BCORL1: variants seen among roughly 807,000 people sequenced by gnomAD.
The protein encoded by BCORL1 is BCL-6 corepressor-like protein 1.
Under a neutral mutation model 87.6 loss-of-function variants are expected in BCORL1, and 7 were observed. The observed-to-expected ratio is 0.08, with a 90% CI of 0.05 to 0.15. The LOEUF (loss-of-function observed/expected upper bound fraction) is 0.15, where lower values mean the gene tolerates loss of function less well. BCORL1 is among the 10% of genes least tolerant of loss of function. BCORL1 has a pLI of 1.00. For missense variants in BCORL1, 1,215 were observed against 1,499.7 expected, an observed-to-expected ratio of 0.81 and a Z score of 3.13; for synonymous variants, 591 against 634.4, an observed-to-expected ratio of 0.93 and a Z score of 1.03.
At chrX:129,990,474 G>A (rs745523598) in intron 1 of BCORL1, among the ~76,000 whole-genome samples, 23 of 108,408 alleles carry the variant, frequency 2.1e-4, no homozygotes, top group African/African-American at 6.4e-4. Context: ...CTCGTGATCC[G>A]CCCGCCTTGG....
chrX:130,043,156 C>G (rs1325742930), intron 11 of BCORL1, among the ~76,000 whole-genome samples: 1 of 106,400 alleles, frequency 9.4e-6, no homozygotes, highest in Admixed American at 1.0e-4. Context: ...CTCAGCTTCC[C>G]GAGTAGCTAT....
intron 11 of BCORL1, among the ~76,000 whole-genome samples, chrX:130,043,758 ATATATATATATATATATATATATATATTT>A (rs1211563966): frequency 0.015 from 339 of 23,331 alleles, 13 homozygotes; most frequent in South Asian, 0.033. Flanking sequence ...ATATATATAT[ATATATATATATATATATATATATATATTT>A]TTTTTTTTTT....
Position 130,016,020 on chromosome X carries a change from G to C in BCORL1, c.3248G>C (p.Arg1083Pro). The C allele has an allele frequency of 8.3e-7, 1 of 1,211,886 alleles. No homozygotes were observed. The highest frequency in any genetic ancestry group is 1.8e-5 in the South Asian group (1 of 57,027). ...VAPQRGQAEV[R>P]AKAGQARVKQ... ...CCCCAGAGGGGCCAAGCTGAAGTTC[G>C]GGCTAAGGCCGGGCAGGCTCGAGTG... The change falls in exon 4 of 14, where the codon CGG becomes CCG. Residue 1083 changes from arginine (R) to proline (P), a missense_variant. Arg to Pro is a moderately radical substitution (Grantham distance 103, BLOSUM62 -2). Around this residue, in one of 5 missense-constraint regions of BCORL1, gnomAD observed 861 missense variants for 1,010.0 expected, o/e 0.85. Transcript: ENST00000540052.
In BCORL1 at chrX:130,014,203, G is replaced by A. The variant is rs748015743; in HGVS notation, c.1431G>A (p.Thr477=). 1.9e-5 allele frequency: 23 copies of A among 1,210,450 alleles called. No individual in the cohort carries two copies. In the South Asian group the frequency reaches 2.1e-4, roughly 11 times the overall value. ...PTTLGVSSTL[T]LPVLPSYLQD... ...CTCTAGGGGTTTCCTCCACTCTTAC[G>A]CTCCCTGTCCTGCCGTCCTACCTGC... is the stretch of plus-strand genomic sequence containing the variant. Residue 477 remains threonine (T), a synonymous_variant, in exon 4 of 14, where the codon ACG becomes ACA. Transcript: ENST00000540052.
At chrX:130,011,146 C>G (rs1332246336) in intron 2 of BCORL1, among the ~76,000 whole-genome samples, 2 of 108,614 alleles carry the variant, frequency 1.8e-5, no homozygotes, top group Non-Finnish European at 3.8e-5. Context: ...ACTGCAGCGT[C>G]TATGTTGGGG....
intron 12 of BCORL1, among the ~76,000 whole-genome samples, chrX:130,051,188 C>A (rs147650327): frequency 6.7e-4 from 75 of 112,486 alleles, no homozygotes; most frequent in Non-Finnish European, 1.3e-3. Flanking sequence ...ACCCTGCCCC[C>A]ACGATGCACA....
At chrX:130,047,470 T>G in intron 11 of BCORL1, among the ~76,000 whole-genome samples, 1 of 112,329 alleles carries the variant, frequency 8.9e-6, no homozygotes, top group Non-Finnish European at 1.9e-5. Context: ...CTTTAGCTTC[T>G]TTGCTCACGC....
chrX:130,018,330 A>T (rs112746577), intron 4 of BCORL1, among the ~76,000 whole-genome samples: 1 of 111,802 alleles, frequency 8.9e-6, no homozygotes, highest in African/African-American at 3.3e-5. Flanking sequence ...AGAGTTGGGG[A>T]GTGACTGTTT....
chrX:130,028,652 C>A lies in BCORL1; in HGVS notation c.4096C>A (p.Gln1366Lys). 8.3e-7 allele frequency: 1 copy of A among 1,209,696 alleles called. No individual in the cohort carries two copies. The highest frequency in any genetic ancestry group is 1.1e-6 in the Non-Finnish European group (1 of 894,357). ...GCCTTCAGATTTAAAGGCCCGTAAG[C>A]AGAAGACTTCCTCCTCCCAAAGTTT... is the stretch of plus-strand genomic sequence containing the variant. ...KGRADLKARKQKTSSSQSLEH... is the reference protein window; with the variant it reads ...KGRADLKARKKKTSSSQSLEH... Residue 1366 changes from glutamine to lysine, a missense_variant, in exon 8 of 14, where the codon CAG (glutamine) becomes AAG (lysine). Gln to Lys is a moderately conservative substitution (Grantham distance 53). Transcript: ENST00000540052.
Position 130,014,988 on chromosome X carries a change from A to G in BCORL1, c.2216A>G (p.Asn739Ser), listed in dbSNP as rs756574378. 10 of 1,209,677 alleles carry G rather than the reference A, an allele frequency of 8.3e-6. No individual in the cohort carries two copies. Among genetic ancestry groups the G allele is most frequent in the Non-Finnish European group, 1.1e-5 (10 of 895,112 alleles). ...LLNKDPNLGL[N>S]RDPRHLPKQE... ...AACAAAGACCCCAACCTGGGCCTCAACCGTGACCCCCGCCATCTCCCCAAG... is the reference window on the plus strand; with the variant it reads ...AACAAAGACCCCAACCTGGGCCTCAGCCGTGACCCCCGCCATCTCCCCAAG... The change falls in exon 4 of 14, where the codon AAC (asparagine) becomes AGC (serine). Residue 739 changes from asparagine to serine, a missense_variant. Asn to Ser is a conservative substitution (Grantham distance 46, BLOSUM62 1). Around this residue, in one of 5 missense-constraint regions of BCORL1, gnomAD observed 861 missense variants for 1,010.0 expected, o/e 0.85. Coordinates refer to ENST00000540052, the MANE Select transcript of BCORL1 (RefSeq NM_001379451.1).
intron 10 of BCORL1, 152 bp from the exon 11 acceptor site, chrX:130,038,985 C>A: frequency 1.9e-6 from 1 of 527,518 alleles, no homozygotes; most frequent in Non-Finnish European, 3.1e-6. Flanking sequence ...TGCAAGGCTA[C>A]AGGTGGTTCC....
intron 1 of BCORL1, among the ~76,000 whole-genome samples, chrX:129,995,892 G>C (rs1927530411): frequency 8.9e-6 from 1 of 111,917 alleles, no homozygotes; most frequent in Non-Finnish European, 1.9e-5. Flanking sequence ...TCTGTAGTAG[G>C]AGTTCCACAT....
In BCORL1 at chrX:130,043,761, TATATATATATATATATATATATA is replaced by T. The variant is rs1438301637; in HGVS notation, c.4840+4480_4840+4502del. Among the ~76,000 whole-genome samples, 24 of 14,957 alleles carry T rather than the reference TATATATATATATATATATATATA, an allele frequency of 1.6e-3. 1 individual carries two copies. The highest frequency in any genetic ancestry group is 4.1e-3 in the Admixed American group (4 of 972). 13.0% of individuals were successfully genotyped at this position (14,957 alleles called of 115,157 possible). The stretch of plus-strand genomic sequence containing the variant: ...AGCTAATTTGTTATATATATATATA[TATATATATATATATATATATATA>T]TTTTTTTTTTTTTTTTTTTTTGAGA... On this transcript the variant is annotated intron_variant, in intron 11 of 13. Transcript: ENST00000540052.
At chrX:130,016,780 C>T (rs1202215524) in intron 4 of BCORL1, among the ~76,000 whole-genome samples, 1 of 111,054 alleles carries the variant, frequency 9.0e-6, no homozygotes, top group Non-Finnish European at 1.9e-5. Flanking sequence ...TGGGTTTTGG[C>T]CCACTGGGGA....
intron 2 of BCORL1, among the ~76,000 whole-genome samples, chrX:130,008,009 C>T (rs181938728): frequency 4.5e-5 from 5 of 110,178 alleles, no homozygotes; most frequent in East Asian, 5.8e-4. Context: ...CTGCAACCTC[C>T]GCTGCCTGGG....
chrX:129,980,941 G>T (rs1395243497), upstream of BCORL1, among the ~76,000 whole-genome samples: 2 of 109,104 alleles, frequency 1.8e-5, no homozygotes, highest in Non-Finnish European at 3.8e-5. Context: ...GGGGCGTGGA[G>T]TTGTGAGCGG....
chrX:130,005,212 T>C lies in BCORL1; in HGVS notation c.-20T>C. ...GGGGGAGTGGCCACAGCAGGTCCTATCTGGTGGTGAGTGGCTGTCATGATC... is the reference window on the plus strand; with the variant it reads ...GGGGGAGTGGCCACAGCAGGTCCTACCTGGTGGTGAGTGGCTGTCATGATC... On this transcript the variant is annotated 5_prime_UTR_variant, in exon 2 of 14. Transcript: ENST00000540052. The C allele has an allele frequency of 8.4e-7, 1 of 1,196,410 alleles. No homozygotes were observed. Among genetic ancestry groups the C allele is most frequent in the East Asian group, 3.0e-5 (1 of 33,576 alleles).
At chrX:130,045,300 G>A (rs1419367438) in intron 11 of BCORL1, among the ~76,000 whole-genome samples, 1 of 112,329 alleles carries the variant, frequency 8.9e-6, no homozygotes, top group Non-Finnish European at 1.9e-5. Context: ...AGTTTGGTTC[G>A]GGACATCAGA....
Position 130,057,517 on chromosome X carries a change from G to C in BCORL1, c.*1381G>C. On this transcript the variant is annotated 3_prime_UTR_variant, in exon 14 of 14. Coordinates refer to ENST00000540052, the MANE Select transcript of BCORL1 (RefSeq NM_001379451.1). ...GCTATTTTTCCGAACAATCCTTGTA[G>C]AGTATGTACCATCCAAAGGCAGGAG... is the stretch of plus-strand genomic sequence containing the variant. 8.9e-6 allele frequency: 1 copy of C among 111,917 alleles called. No individual in the cohort carries two copies. The highest frequency in any genetic ancestry group is 1.9e-5 in the Non-Finnish European group (1 of 53,153). 9.2% of individuals were successfully genotyped at this position (111,917 alleles called of 1,213,427 possible).
Sources: gnomAD v4.1 joint callset for allele counts (sites outside exome capture counted in the v4.1 genomes callset) on GRCh38, gnomAD v4.1.1 for gene constraint, gnomAD v4.1.1 regional missense constraint, MANE v1.5 for transcripts, NCBI Gene and HGNC (gene_info 2026-07-23, HGNC 2026-07-21) for gene names.